Variants in GPHN observed in about 807,000 individuals in gnomAD.
The protein encoded by GPHN is gephyrin.
GPHN carries 17 observed loss-of-function variants against 95.5 expected under a neutral mutation model. The observed-to-expected ratio is 0.18, with a 90% CI of 0.12 to 0.27. The LOEUF is 0.27. GPHN is among the 10% of genes least tolerant of loss of function. GPHN has a pLI of 1.00. For missense variants in GPHN, 660 were observed against 978.1 expected (o/e 0.67, Z 4.34); for synonymous variants, 320 against 322.5 (o/e 0.99, Z 0.08).
chr14:67,422,390 A>G, the GPHN span, among the ~76,000 whole-genome samples: 4 of 152,164 alleles, frequency 2.6e-5, no homozygotes, highest in Non-Finnish European at 5.9e-5. Context: ...CATGTCTTAC[A>G]CAGCTAGCAT....
the GPHN span, among the ~76,000 whole-genome samples, chr14:67,687,365 T>C: frequency 2.4e-4 from 36 of 152,204 alleles, no homozygotes; most frequent in Non-Finnish European, 5.1e-4. Flanking sequence ...ACTCTTGCTT[T>C]CTACAACCTA....
the GPHN span, among the ~76,000 whole-genome samples, chr14:67,657,955 G>C: frequency 1.3e-5 from 2 of 151,854 alleles, no homozygotes; most frequent in Non-Finnish European, 2.9e-5. Context: ...CACCATGTTG[G>C]CCAGGCTGGT....
chr14:66,556,445 A>G (rs959817642), intron 1 of GPHN, among the ~76,000 whole-genome samples: 1 of 152,192 alleles, frequency 6.6e-6, no homozygotes, highest in African/African-American at 2.4e-5. Flanking sequence ...TTCTCTTTCT[A>G]AGGGAAACAA....
chr14:67,297,097 T>G, the GPHN span, among the ~76,000 whole-genome samples: 1 of 152,146 alleles, frequency 6.6e-6, no homozygotes, highest in Admixed American at 6.5e-5. Context: ...ACAAAGCACT[T>G]TGGGGGAAAA....
Position 66,944,750 on chromosome 14 carries a change from C to T in GPHN, c.829-20441C>T, listed in dbSNP as rs567112840. On this transcript the variant is annotated intron_variant, in intron 8 of 22. Coordinates refer to ENST00000478722, the MANE Select transcript of GPHN (RefSeq NM_020806.5). ...CGTATTCTTATGCAAATAAGTTCTT[C>T]CACCAGTGAGAAAAACTTAATCACT... 1.4e-3 allele frequency among the ~76,000 whole-genome samples: 216 copies of T among 152,350 alleles called. 1 individual carries two copies. The highest frequency in any genetic ancestry group is 1.9e-3 in the Non-Finnish European group (127 of 68,036).
the GPHN span, among the ~76,000 whole-genome samples, chr14:67,250,432 C>T: frequency 2.0e-5 from 3 of 152,140 alleles, no homozygotes; most frequent in African/African-American, 7.2e-5. Context: ...GTTCTTCTGT[C>T]TTAGTATTGG....
intron 1 of GPHN, among the ~76,000 whole-genome samples, chr14:66,555,903 G>A (rs1373801386): frequency 6.6e-6 from 1 of 152,086 alleles, no homozygotes; most frequent in Non-Finnish European, 1.5e-5. Flanking sequence ...CAATGGGGAT[G>A]TATTCTGAGA....
chr14:66,545,294 G>A (rs1275933964), intron 1 of GPHN, among the ~76,000 whole-genome samples: 6 of 111,980 alleles, frequency 5.4e-5, no homozygotes, highest in African/African-American at 5.0e-5. Context: ...GGGCAGAGGC[G>A]CCCCCCACCT....
chr14:67,023,622 T>C lies in GPHN; in HGVS notation c.964-11T>C, dbSNP rs780234459. The C allele has an allele frequency of 1.9e-6, 3 of 1,612,058 alleles. No homozygotes were observed. Among genetic ancestry groups the C allele is most frequent in the Non-Finnish European group, 2.5e-6 (3 of 1,178,132 alleles). On this transcript the variant is annotated splice_polypyrimidine_tract_variant and intron_variant, in intron 9 of 22. Coordinates refer to ENST00000478722, the MANE Select transcript of GPHN (RefSeq NM_020806.5). ...AAACCCTAAATTACTGAGTTTATGC[T>C]CTTTCTACAGGTCCAGTCCAGGTGC...
the GPHN span, chr14:67,454,434 A>C: frequency 6.6e-6 from 1 of 152,236 alleles, no homozygotes; most frequent in Non-Finnish European, 1.5e-5. Flanking sequence ...CGCTAACTGC[A>C]TGGCATCCCC....
At chr14:67,613,482 C>G in the GPHN span, 1 of 154,122 alleles carries the variant, frequency 6.5e-6, no homozygotes, top group Admixed American at 6.5e-5. Flanking sequence ...AAGCTATGAT[C>G]GTACCACTGC....
chr14:67,363,090 GTCTTGCAACTGTTCCATACATT>G, the GPHN span, among the ~76,000 whole-genome samples: 27 of 152,152 alleles, frequency 1.8e-4, no homozygotes, highest in Admixed American at 3.9e-4. Flanking sequence ...CTGGTCAAAT[GTCTTGCAACTGTTCCATACATT>G]TCTGTAACAT....
Position 66,715,398 on chromosome 14 carries a change from A to T in GPHN, c.143+34213A>T, listed in dbSNP as rs7147505. On this transcript the variant is annotated intron_variant, in intron 2 of 22. Transcript: ENST00000478722. Reference sequence around the variant, plus strand: ...TCTTGGTTAATCTTGCTAATGGTCTATCAATTTTATTTATCTTTTCAAAGA... The same window carrying T: ...TCTTGGTTAATCTTGCTAATGGTCTTTCAATTTTATTTATCTTTTCAAAGA... Among the ~76,000 whole-genome samples the T allele has an allele frequency of 1.6e-4, 24 of 152,070 alleles. No homozygotes were observed. In the East Asian group the frequency reaches 4.6e-3, roughly 29 times the overall value.
chr14:67,579,938 A>G, the GPHN span: 32 of 1,476,174 alleles, frequency 2.2e-5, no homozygotes, highest in Admixed American at 4.0e-5. Context: ...GTGGTGGGGA[A>G]AGAGCCCATC....
the GPHN span, chr14:67,573,313 G>A: frequency 1.2e-6 from 2 of 1,613,724 alleles, no homozygotes; most frequent in Non-Finnish European, 1.7e-6. The surrounding 1 kb of genome is among the most constrained non-coding windows in gnomAD (Gnocchi z 4.8). Context: ...CTGAAAATGG[G>A]GAGCCAGGTG....
At chr14:67,304,802 G>T in the GPHN span, among the ~76,000 whole-genome samples, 1 of 146,798 alleles carries the variant, frequency 6.8e-6, no homozygotes, top group Non-Finnish European at 1.5e-5. Context: ...TATCAATAAA[G>T]CTATTTAAAA....
chr14:66,702,119 A>C (rs1458324629), intron 2 of GPHN, among the ~76,000 whole-genome samples: 1 of 152,128 alleles, frequency 6.6e-6, no homozygotes, highest in East Asian at 1.9e-4. Flanking sequence ...CTCCAGCCAG[A>C]GGCTCAGGGA....
intron 8 of GPHN, among the ~76,000 whole-genome samples, chr14:66,937,019 T>C (rs1482928385): frequency 6.6e-6 from 1 of 152,208 alleles, no homozygotes; most frequent in African/African-American, 2.4e-5. Context: ...ATAATTTTTT[T>C]TTCCAGACAG....
chr14:66,826,511 C>T (rs970735138), intron 4 of GPHN, among the ~76,000 whole-genome samples: 2 of 152,116 alleles, frequency 1.3e-5, no homozygotes, highest in Non-Finnish European at 2.9e-5. Context: ...GTGGCAAGTA[C>T]CAGATCCCCA....
Sources: gnomAD v4.1 joint callset for allele counts (sites outside exome capture counted in the v4.1 genomes callset) on GRCh38, gnomAD v4.1.1 for gene constraint, Gnocchi (gnomAD v3.1) non-coding constraint, MANE v1.5 for transcripts, NCBI Gene and HGNC (gene_info 2026-07-23, HGNC 2026-07-21) for gene names.